Variants in PRDM11 observed in about 807,000 individuals in gnomAD.
PRDM11 encodes PR domain-containing protein 11.
In PRDM11, 20 loss-of-function variants were observed where a neutral mutation model predicts 97.8. The ratio of observed to expected loss-of-function variants is 0.20; its 90% confidence interval spans 0.14 to 0.30. The LOEUF (loss-of-function observed/expected upper bound fraction) is 0.30, where lower values mean the gene tolerates loss of function less well. Ranked by LOEUF, PRDM11 falls within the 10% of genes least tolerant of loss-of-function variation. The pLI, the probability that PRDM11 is intolerant of heterozygous loss-of-function variation, is 1.00. For missense variants in PRDM11, 1,139 were observed against 1,555.2 expected (o/e 0.73, Z 4.50); for synonymous variants, 599 against 637.7 (o/e 0.94, Z 0.91).
chr11:45,116,357 T>A (rs1336077379), intron 1 of PRDM11, among the ~76,000 whole-genome samples: 1 of 152,202 alleles, frequency 6.6e-6, no homozygotes, highest in Non-Finnish European at 1.5e-5. Context: ...TGCAAGTACA[T>A]ATAGAACATT....
At chr11:45,099,335 C>T (rs544081066) in intron 1 of PRDM11, among the ~76,000 whole-genome samples, 16 of 151,852 alleles carry the variant, frequency 1.1e-4, no homozygotes, top group African/African-American at 1.7e-4. Context: ...CCTGTAGTTC[C>T]GGCTACTCCA....
Position 45,224,762 on chromosome 11 carries a change from A to T in PRDM11, c.1288A>T (p.Met430Leu). 2 of 1,614,172 alleles carry T rather than the reference A, an allele frequency of 1.2e-6. No homozygotes were observed. Among genetic ancestry groups the T allele is most frequent in the Non-Finnish European group, 1.7e-6 (2 of 1,180,022 alleles). The change falls in exon 7 of 8, where the codon ATG becomes TTG. Residue 430 changes from methionine to leucine, a missense_variant. Around this residue, in one of 2 missense-constraint regions of PRDM11, gnomAD observed 710 missense variants for 1,044.9 expected, o/e 0.68. Transcript: ENST00000683152. ...KVRELQAELD[M>L]LKSGKLPEPP... ...TCGGGAGCTCCAGGCAGAATTAGAC[A>T]TGCTTAAGTCTGGGAAACTTCCTGA...
At chr11:45,220,978 C>T (rs1191923730) in intron 6 of PRDM11, among the ~76,000 whole-genome samples, 2 of 152,138 alleles carry the variant, frequency 1.3e-5, no homozygotes, top group Admixed American at 6.5e-5. Flanking sequence ...GTGCCAGGAA[C>T]CAAGGCTGTT....
intron 1 of PRDM11, among the ~76,000 whole-genome samples, chr11:45,106,424 G>T (rs1465229718): frequency 6.6e-6 from 1 of 152,044 alleles, no homozygotes; most frequent in Admixed American, 6.6e-5. Context: ...TGCTTTCTTT[G>T]CTGGTTCTCT....
Position 45,185,181 on chromosome 11 carries a change from T to A in PRDM11, c.486+2058T>A, listed in dbSNP as rs986465706. On this transcript the variant is annotated intron_variant, in intron 4 of 7. Coordinates refer to ENST00000683152, the MANE Select transcript of PRDM11 (RefSeq NM_001384648.1). ...AAGAGCTATTGTAGAAAGCAGTGGG[T>A]CTGAACCTGAGGCAATTTTGCAGCC... Among the ~76,000 whole-genome samples the A allele has an allele frequency of 4.6e-5, 7 of 152,158 alleles. 1 individual carries two copies. The highest frequency in any genetic ancestry group is 7.4e-5 in the Non-Finnish European group (5 of 68,010).
In PRDM11 at chr11:45,117,266, G is replaced by A. The variant is rs192524094; in HGVS notation, c.96+21365G>A. Among the ~76,000 whole-genome samples, 71 of 148,966 alleles carry A rather than the reference G, an allele frequency of 4.8e-4. 1 individual carries two copies. In the East Asian group the frequency reaches 0.013, roughly 27 times the overall value. The stretch of plus-strand genomic sequence containing the variant: ...AAAAAAAGAGTTCCCAGTGGCCAAC[G>A]TGGAAATAATTTGAACAATAAAATT... On this transcript the variant is annotated intron_variant, in intron 1 of 6. Transcript: ENST00000530656.
chr11:45,096,013 C>T (rs1851883549), intron 1 of PRDM11: 2 of 702,098 alleles, frequency 2.8e-6, no homozygotes, highest in South Asian at 3.0e-5. Flanking sequence ...TGCTTGTTGT[C>T]ATCTTCTCAT....
rs369587089 is a variant in PRDM11, at chr11:45,219,615, G to A, written c.600G>A (p.Ala200=). 20 of 1,614,106 alleles carry A rather than the reference G, an allele frequency of 1.2e-5. No homozygotes were observed. Among genetic ancestry groups the A allele is most frequent in the Admixed American group, 6.7e-5 (4 of 60,028 alleles). Residue 200 remains alanine (A), a synonymous_variant, in exon 6 of 8, where the codon GCG becomes GCA. Coordinates refer to ENST00000683152, the MANE Select transcript of PRDM11 (RefSeq NM_001384648.1). This position sits in a 1 kb window ranked among gnomAD's most constrained non-coding sequence, Gnocchi z 4.2. The stretch of plus-strand genomic sequence containing the variant: ...AGGAGAGGGAGCAGAACCTGCTGGC[G>A]TTCCAGCACAGTGAGCGCATCTACT... ...SREEREQNLL[A]FQHSERIYFR... is the part of the protein sequence containing the mutation.
At position 45,112,558 on chromosome 11, in the gene PRDM11, A is replaced by G. The variant is rs139570799; in HGVS notation, c.96+16657A>G. 2.4e-3 allele frequency among the ~76,000 whole-genome samples: 368 copies of G among 152,312 alleles called. 5 individuals are homozygous for G. The highest frequency in any genetic ancestry group is 8.5e-3 in the African/African-American group (352 of 41,564). ...GTACTAATTTACATTCTCACCAGCA[A>G]CATAAACGTGTTCCCTTTTCATGAC... On this transcript the variant is annotated intron_variant, in intron 1 of 6. Transcript: ENST00000530656.
intron 4 of PRDM11, among the ~76,000 whole-genome samples, chr11:45,194,905 ATCT>A (rs1853062702): frequency 6.6e-6 from 1 of 151,946 alleles, no homozygotes; most frequent in African/African-American, 2.4e-5. Flanking sequence ...GCCAGTTATT[ATCT>A]TCTTTTTAAA....
At chr11:45,209,195 G>A (rs759451656) in intron 5 of PRDM11, 16 of 444,526 alleles carry the variant, frequency 3.6e-5, no homozygotes, top group South Asian at 4.7e-5. Flanking sequence ...TCGTGCTCAC[G>A]GCCCACGAGA....
upstream of PRDM11, among the ~76,000 whole-genome samples, chr11:45,141,925 A>C (rs1851412524): frequency 6.6e-6 from 1 of 152,160 alleles, no homozygotes; most frequent in South Asian, 2.1e-4. Flanking sequence ...TGGGCAGGGA[A>C]AGGGCACACT....
At chr11:45,157,375 C>T (rs1012796005) in intron 1 of PRDM11, among the ~76,000 whole-genome samples, 22 of 152,138 alleles carry the variant, frequency 1.4e-4, no homozygotes, top group Admixed American at 9.8e-4. Flanking sequence ...GTAGGGTTCG[C>T]GTCCTATGAT....
At chr11:45,138,342 G>A (rs537538114) in intron 1 of PRDM11, among the ~76,000 whole-genome samples, 1 of 152,280 alleles carries the variant, frequency 6.6e-6, no homozygotes, top group Admixed American at 6.5e-5. Flanking sequence ...GAGGAGGGAG[G>A]ATCACTTACA....
chr11:45,115,831 G>T (rs969388781), intron 1 of PRDM11, among the ~76,000 whole-genome samples: 1 of 151,576 alleles, frequency 6.6e-6, no homozygotes, highest in African/African-American at 2.4e-5. Context: ...TTGGGAGGCT[G>T]AGGTAGGAGA....
At chr11:45,168,938 T>A (rs565752148) in intron 1 of PRDM11, among the ~76,000 whole-genome samples, 1 of 152,274 alleles carries the variant, frequency 6.6e-6, no homozygotes, top group Admixed American at 6.5e-5. Context: ...TCCCCAATTC[T>A]TATTTGGCTG....
intron 1 of PRDM11, among the ~76,000 whole-genome samples, chr11:45,172,988 G>A (rs531669426): frequency 4.6e-5 from 7 of 152,200 alleles, no homozygotes; most frequent in African/African-American, 9.7e-5. Context: ...CAATGGCTGT[G>A]TGCTTTCTCC....
At chr11:45,198,209 G>A (rs1465991871) in intron 4 of PRDM11, among the ~76,000 whole-genome samples, 2 of 152,142 alleles carry the variant, frequency 1.3e-5, no homozygotes, top group Non-Finnish European at 2.9e-5. Flanking sequence ...CAGACACCAG[G>A]TTAGAAACCT....
At chr11:45,097,182 T>C (rs1412678546) in intron 1 of PRDM11, among the ~76,000 whole-genome samples, 1 of 152,194 alleles carries the variant, frequency 6.6e-6, no homozygotes, top group East Asian at 1.9e-4. Context: ...ACTTAATGCA[T>C]CAATAGCTCA....
Sources: gnomAD v4.1 joint callset for allele counts (sites outside exome capture counted in the v4.1 genomes callset) on GRCh38, gnomAD v4.1.1 for gene constraint, gnomAD v4.1.1 regional missense constraint, Gnocchi (gnomAD v3.1) non-coding constraint, MANE v1.5 for transcripts, NCBI Gene and HGNC (gene_info 2026-07-23, HGNC 2026-07-21) for gene names.